HECW2: variants seen among roughly 807,000 people sequenced by gnomAD.
The protein encoded by HECW2 is HECT, C2 and WW domain containing E3 ubiquitin protein ligase 2.
HECW2 carries 61 observed loss-of-function variants against 175.2 expected under a neutral mutation model. The ratio of observed to expected loss-of-function variants is 0.35; its 90% CI spans 0.28 to 0.43. The LOEUF (loss-of-function observed/expected upper bound fraction) is 0.43, where lower values mean the gene tolerates loss of function less well. Ranked by LOEUF, HECW2 falls within the 20% of genes least tolerant of loss-of-function variation. The probability of loss-of-function intolerance (pLI) is 1.00; values close to 1 mark genes in which losing one functional copy is unlikely to be tolerated. For missense variants in HECW2, 1,524 were observed against 2,000.5 expected (o/e 0.76, Z 4.54); for synonymous variants, 671 against 731.0 (o/e 0.92, Z 1.32).
At chr2:196,470,272 T>G (rs771325336) in intron 1 of HECW2, among the ~76,000 whole-genome samples, 17 of 151,754 alleles carry the variant, frequency 1.1e-4, no homozygotes, top group Non-Finnish European at 2.4e-4. Flanking sequence ...CCAACCTGGG[T>G]GATGGAGCAA....
At chr2:196,473,659 C>G (rs985754351) in intron 1 of HECW2, among the ~76,000 whole-genome samples, 1 of 152,158 alleles carries the variant, frequency 6.6e-6, no homozygotes, top group African/African-American at 2.4e-5. Flanking sequence ...TTTCTACAGA[C>G]CAAATTTCAT....
At chr2:196,501,712 C>T (rs1339904423) in intron 1 of HECW2, among the ~76,000 whole-genome samples, 2 of 152,134 alleles carry the variant, frequency 1.3e-5, no homozygotes, top group African/African-American at 4.8e-5. Flanking sequence ...ATATCTAAAC[C>T]TACAAGTACT....
chr2:196,454,198 G>A (rs192507722), intron 1 of HECW2, among the ~76,000 whole-genome samples: 7 of 152,132 alleles, frequency 4.6e-5, no homozygotes, highest in Non-Finnish European at 7.4e-5. Context: ...GACCTCAAGC[G>A]ATCCGCCCGC....
chr2:196,423,528 G>A (rs530851273), intron 2 of HECW2, among the ~76,000 whole-genome samples: 26 of 152,130 alleles, frequency 1.7e-4, no homozygotes, highest in African/African-American at 5.5e-4. Context: ...ACCTAACAAC[G>A]CAAACCTTTC....
chr2:196,220,455 C>T (rs3816516), intron 25 of HECW2, among the ~76,000 whole-genome samples: 88,650 of 151,996 alleles, frequency 0.58, 27,503 homozygotes, highest in Non-Finnish European at 0.69. Context: ...CATGCCAACT[C>T]ATTCTGATCT....
chr2:196,301,825 C>T (rs1262462661), intron 13 of HECW2, among the ~76,000 whole-genome samples: 2 of 150,812 alleles, frequency 1.3e-5, no homozygotes, highest in Non-Finnish European at 2.9e-5. Context: ...TTCTCCCATT[C>T]TGTAGGTTGT....
In HECW2 at chr2:196,433,253, G is replaced by A. The variant is rs1172807783; in HGVS notation, c.171C>T (p.Ser57=). The change falls in exon 2 of 29, where the codon AGC becomes AGT. Residue 57 remains serine (S), a synonymous_variant. Transcript: ENST00000644978. ...ACATGCTGGCAGTTAAGCTGGAGCG[G>A]CTCTCAGAAGTCACCAGGTCGGTGT... The part of the protein sequence containing the change: ...NSDTDLVTSE[S]RSSLTASMYE... 2.5e-6 allele frequency: 4 copies of A among 1,614,162 alleles called. No homozygotes were observed. In the Admixed American group the frequency reaches 6.7e-5, roughly 27 times the overall value.
intron 1 of HECW2, among the ~76,000 whole-genome samples, chr2:196,526,671 T>C (rs915158414): frequency 6.9e-6 from 1 of 144,898 alleles, no homozygotes; most frequent in African/African-American, 2.8e-5. Flanking sequence ...GGATGTCCTT[T>C]CTGTTTGTTA....
chr2:196,574,908 C>T (rs1298911710), intron 1 of HECW2, among the ~76,000 whole-genome samples: 1 of 151,670 alleles, frequency 6.6e-6, no homozygotes, highest in Non-Finnish European at 1.5e-5. Flanking sequence ...ACAAGAATGC[C>T]AAGAACACAT....
intron 2 of HECW2, among the ~76,000 whole-genome samples, chr2:196,408,821 C>G (rs1695031470): frequency 6.6e-6 from 1 of 152,146 alleles, no homozygotes; most frequent in Non-Finnish European, 1.5e-5. Flanking sequence ...ATGCTGGACT[C>G]GTTTGAAGTA....
At chr2:196,228,611 G>C (rs1384831905) in intron 21 of HECW2, among the ~76,000 whole-genome samples, 3 of 152,208 alleles carry the variant, frequency 2.0e-5, no homozygotes, top group Non-Finnish European at 2.9e-5. Flanking sequence ...TATACAAAAA[G>C]GGAGCACAAC....
At chr2:196,253,153 C>T (rs1299201433) in intron 19 of HECW2, among the ~76,000 whole-genome samples, 1 of 152,194 alleles carries the variant, frequency 6.6e-6, no homozygotes, top group Non-Finnish European at 1.5e-5. Flanking sequence ...TATGTGAAAA[C>T]ACATGTTATA....
Position 196,318,670 on chromosome 2 carries a change from C to A in HECW2, c.2220G>T (p.Arg740Ser). The change falls in exon 9 of 29, where the codon AGG becomes AGT. Residue 740 changes from arginine (R) to serine (S), a missense_variant. Physicochemically the swap from Arg to Ser is moderately radical, Grantham distance 110. Around this residue, in one of 11 missense-constraint regions of HECW2, gnomAD observed 604 missense variants for 588.3 expected, o/e 1.03. Transcript: ENST00000644978. Reference sequence around the variant, plus strand: ...CAGCTGCAGCTCCCTCCAGGCTCCCCCTCCGCTGCCAGACCTCCCCCAGCT... The same window carrying A: ...CAGCTGCAGCTCCCTCCAGGCTCCCACTCCGCTGCCAGACCTCCCCCAGCT... ...QEELGEVWQR[R>S]GSLEGAAAAA... The A allele has an allele frequency of 6.2e-7, 1 of 1,600,336 alleles. No homozygotes were observed. Among genetic ancestry groups the A allele is most frequent in the Non-Finnish European group, 8.5e-7 (1 of 1,172,810 alleles).
At chr2:196,222,811 ATTTAT>A (rs1294599488) in intron 23 of HECW2, among the ~76,000 whole-genome samples, 3 of 151,876 alleles carry the variant, frequency 2.0e-5, no homozygotes, top group African/African-American at 7.3e-5. Flanking sequence ...TTATTTTAAT[ATTTAT>A]TTTATTTTAT....
chr2:196,532,369 A>G (rs919098507), intron 1 of HECW2, among the ~76,000 whole-genome samples: 1 of 152,218 alleles, frequency 6.6e-6, no homozygotes, highest in African/African-American at 2.4e-5. Flanking sequence ...TCAGCAAACT[A>G]TCACAAGAAC....
chr2:196,441,436 T>C (rs1696041203), intron 1 of HECW2, among the ~76,000 whole-genome samples: 1 of 151,998 alleles, frequency 6.6e-6, no homozygotes, highest in Admixed American at 6.6e-5. Context: ...CAAGTGATTT[T>C]TTATTTTTAT....
At chr2:196,501,658 T>C (rs1261950112) in intron 1 of HECW2, among the ~76,000 whole-genome samples, 1 of 152,180 alleles carries the variant, frequency 6.6e-6, no homozygotes, top group Non-Finnish European at 1.5e-5. Context: ...TTTCTCCTGC[T>C]TTAGATTTTT....
chr2:196,421,113 T>C (rs1047385156), intron 2 of HECW2, among the ~76,000 whole-genome samples: 4 of 152,042 alleles, frequency 2.6e-5, no homozygotes, highest in Non-Finnish European at 5.9e-5. Context: ...GAATGTGAGA[T>C]GTGGGAGTAA....
At chr2:196,223,310 G>A (rs1053812260) in intron 23 of HECW2, among the ~76,000 whole-genome samples, 1 of 152,148 alleles carries the variant, frequency 6.6e-6, no homozygotes, top group African/African-American at 2.4e-5. Flanking sequence ...GTAGGGATAG[G>A]GATTTAGGTG....
Sources: allele counts gnomAD v4.1 joint callset (sites outside exome capture counted in the v4.1 genomes callset), GRCh38; gene constraint gnomAD v4.1.1; regional missense constraint gnomAD v4.1.1; transcripts MANE v1.5; gene names NCBI Gene and HGNC (gene_info 2026-07-23, HGNC 2026-07-21).